The following CAPN5 variants were observed in gnomAD, a reference collection of about 807,000 sequenced individuals.
CAPN5 encodes the protein calpain 5.
CAPN5 carries 54 observed loss-of-function variants against 73.0 expected under a neutral mutation model. The ratio of observed to expected loss-of-function variants is 0.74; its 90% CI spans 0.59 to 0.93. The LOEUF (loss-of-function observed/expected upper bound fraction) is 0.93. CAPN5 is among the 40% of genes least tolerant of loss of function. The pLI is 0.00. For missense variants in CAPN5, 785 were observed against 882.9 expected, an observed-to-expected ratio of 0.89 and a Z score of 1.41; for synonymous variants, 335 against 356.9, an observed-to-expected ratio of 0.94 and a Z score of 0.69.
At chr11:77,092,299 G>T (rs938006750) in intron 2 of CAPN5, among the ~76,000 whole-genome samples, 1 of 152,218 alleles carries the variant, frequency 6.6e-6, no homozygotes, top group Non-Finnish European at 1.5e-5. Context: ...TCAGAAAGCC[G>T]AGGCTCAGAG....
intron 1 of CAPN5, among the ~76,000 whole-genome samples, chr11:77,073,487 C>T (rs2135407343): frequency 6.6e-6 from 1 of 152,284 alleles, no homozygotes; most frequent in Non-Finnish European, 1.5e-5. Context: ...AGGGTCAGGC[C>T]TCTGACTCAG....
Position 77,120,837 on chromosome 11 carries a change from C to A in CAPN5, c.1415C>A (p.Pro472His), listed in dbSNP as rs782634944. Residue 472 changes from proline (P) to histidine (H), a missense_variant, in exon 10 of 13, where the codon CCC (proline) becomes CAC (histidine). Transcript: ENST00000648180. Reference protein sequence around the residue: ...DQPEGRYVIIPTTFEPGHTGE... With the variant: ...DQPEGRYVIIHTTFEPGHTGE... Reference sequence around the variant, plus strand: ...CCCGAGGGCCGCTATGTCATCATCCCCACAACCTTCGAGCCAGGCCACACT... The same window carrying A: ...CCCGAGGGCCGCTATGTCATCATCCACACAACCTTCGAGCCAGGCCACACT... 1 of 1,614,180 alleles carries A rather than the reference C, an allele frequency of 6.2e-7. No individual in the cohort carries two copies. Among genetic ancestry groups the A allele is most frequent in the Non-Finnish European group, 8.5e-7 (1 of 1,180,024 alleles).
In CAPN5 at chr11:77,125,637, T is replaced by TATAC. The variant is rs1950568292; in HGVS notation, c.*1770_*1773dup. 1 of 146,722 alleles carries TATAC rather than the reference T, an allele frequency of 6.8e-6. No homozygotes were observed. Among genetic ancestry groups the TATAC allele is most frequent in the Non-Finnish European group, 1.5e-5 (1 of 67,152 alleles). 9.1% of individuals were successfully genotyped at this position (146,722 alleles called of 1,614,324 possible). ...CACTATATATATATATATATATATA[T>TATAC]ATACATTCATGTAATCACCACTTCT... On this transcript the variant is annotated 3_prime_UTR_variant, in exon 13 of 13. Coordinates refer to ENST00000648180, the MANE Select transcript of CAPN5 (RefSeq NM_004055.5).
In CAPN5 at chr11:77,118,281, C is replaced by G; in HGVS notation, c.1096C>G (p.His366Asp). ...CCGGCTGCATGGCGCCTGGACGCTG[C>G]ATGAGGACCCGCGACAGAACCGCGG... The part of the protein sequence containing the change: ...EARLHGAWTL[H>D]EDPRQNRGGG... Residue 366 changes from histidine (H) to aspartate (D), a missense_variant, in exon 8 of 13, where the codon CAT (histidine) becomes GAT (aspartate). His to Asp is a moderately conservative substitution (Grantham distance 81, BLOSUM62 -1). Coordinates refer to ENST00000648180, the MANE Select transcript of CAPN5 (RefSeq NM_004055.5). The G allele has an allele frequency of 6.2e-7, 1 of 1,613,854 alleles. No homozygotes were observed. The highest frequency in any genetic ancestry group is 8.5e-7 in the Non-Finnish European group (1 of 1,179,930).
At chr11:77,073,132 C>T in intron 1 of CAPN5, 1 of 1,289,100 alleles carries the variant, frequency 7.8e-7, no homozygotes. Flanking sequence ...GACTGGGAGC[C>T]CCGAGGTAGG....
At chr11:77,118,128 T>C (rs1276895148) in intron 7 of CAPN5, 29 bp from the exon 8 acceptor site, 2 of 1,583,264 alleles carry the variant, frequency 1.3e-6, no homozygotes, top group East Asian at 2.3e-5. Context: ...GTGGGGGAGG[T>C]ACCCTGCTCA....
chr11:77,102,010 A>G (rs1555038946), intron 3 of CAPN5, among the ~76,000 whole-genome samples: 2 of 152,218 alleles, frequency 1.3e-5, no homozygotes, highest in Non-Finnish European at 2.9e-5. Flanking sequence ...CCGGGTCAGT[A>G]ATGCTCAAGG....
At chr11:77,115,040 G>T (rs1431056621) in intron 5 of CAPN5, among the ~76,000 whole-genome samples, 1 of 151,562 alleles carries the variant, frequency 6.6e-6, no homozygotes, top group African/African-American at 2.4e-5. Context: ...TCCAGCCTGG[G>T]CAACAAGAGC....
intron 3 of CAPN5, among the ~76,000 whole-genome samples, chr11:77,109,883 C>T (rs1268080908): frequency 6.6e-6 from 1 of 152,184 alleles, no homozygotes; most frequent in Non-Finnish European, 1.5e-5. Flanking sequence ...ACTAATGATC[C>T]TCCCGAGGTC....
chr11:77,120,352 T>G, intron 9 of CAPN5: 1 of 172,056 alleles, frequency 5.8e-6, no homozygotes, highest in Non-Finnish European at 1.2e-5. Context: ...CCAGCCTCCT[T>G]TAATAGTTTT....
In CAPN5 at chr11:77,069,011, T is replaced by C. The variant is rs1591104889; in HGVS notation, c.-36+1917T>C. On this transcript the variant is annotated intron_variant, in intron 1 of 12. Transcript: ENST00000648180. ...TTCTGCGCCTGCTTTCCTGGCAGGC[T>C]GTCAGATCAGCCCTGGAGTCCTGGT... 2.6e-5 allele frequency among the ~76,000 whole-genome samples: 4 copies of C among 152,164 alleles called. No homozygotes were observed. In the South Asian group the frequency reaches 8.3e-4, roughly 31 times the overall value.
rs1027791142 is a variant in CAPN5, at chr11:77,124,499, C to T, written c.*629C>T. The T allele has an allele frequency of 4.6e-5, 7 of 152,926 alleles. No homozygotes were observed. Among genetic ancestry groups the T allele is most frequent in the African/African-American group, 1.7e-4 (7 of 41,482 alleles). 9.5% of individuals were successfully genotyped at this position (152,926 alleles called of 1,614,324 possible). A position where few individuals can be genotyped will look rare whatever the true frequency, so the allele number is the denominator to read the frequency against. On this transcript the variant is annotated 3_prime_UTR_variant, in exon 13 of 13. Transcript: ENST00000648180. ...GTGAAGCGGGGCCCTACTCCGGCCT[C>T]TGCCTTGGGCCTCGCCTCTGTCCTC...
intron 3 of CAPN5, among the ~76,000 whole-genome samples, chr11:77,108,296 G>A (rs1950372632): frequency 6.6e-6 from 1 of 152,186 alleles, no homozygotes; most frequent in Non-Finnish European, 1.5e-5. Context: ...GCCATGCTGG[G>A]GTGCCAGGAA....
chr11:77,079,259 G>A (rs1950004488), intron 1 of CAPN5, among the ~76,000 whole-genome samples: 1 of 152,002 alleles, frequency 6.6e-6, no homozygotes. Context: ...CACCTTGTTT[G>A]CTAGTATTTT....
chr11:77,088,967 G>A (rs782217405), intron 2 of CAPN5, among the ~76,000 whole-genome samples: 38 of 152,134 alleles, frequency 2.5e-4, no homozygotes, highest in Non-Finnish European at 5.4e-4. Context: ...TCAACCCCCA[G>A]CCCTCAGGGG....
At chr11:77,072,841 C>T (rs1486431719) in intron 1 of CAPN5, 2 of 305,522 alleles carry the variant, frequency 6.5e-6, no homozygotes, top group East Asian at 9.7e-5. Flanking sequence ...GTGATAAACC[C>T]GCCAGATTGA....
At chr11:77,115,268 G>A in intron 5 of CAPN5, 127 bp from the exon 6 acceptor site, 1 of 702,304 alleles carries the variant, frequency 1.4e-6, no homozygotes, top group Non-Finnish European at 2.3e-6. Context: ...ACACAGCACT[G>A]CCCCATGACT....
In CAPN5 at chr11:77,123,686, A is replaced by G. The variant is rs782080875; in HGVS notation, c.1741-2A>G. The stretch of plus-strand genomic sequence containing the variant: ...CTCCCATGATCCTCTGTCTCTTCCC[A>G]GGTCTGGAACCACCGAGTGCTGAAG... On this transcript the variant is annotated splice_acceptor_variant, in intron 12 of 12. Coordinates refer to ENST00000648180, the MANE Select transcript of CAPN5 (RefSeq NM_004055.5). LOFTEE classifies it high-confidence loss of function. 1.2e-6 allele frequency: 2 copies of G among 1,611,762 alleles called. No individual in the cohort carries two copies. The highest frequency in any genetic ancestry group is 3.3e-5 in the Admixed American group (2 of 59,836).
intron 12 of CAPN5, among the ~76,000 whole-genome samples, chr11:77,123,125 GCTT>G (rs1342543284): frequency 2.0e-5 from 3 of 152,206 alleles, no homozygotes; most frequent in Non-Finnish European, 2.9e-5. Flanking sequence ...CCTCCCCATG[GCTT>G]CCTTCTCCTC....
Sources: allele counts gnomAD v4.1 joint callset (sites outside exome capture counted in the v4.1 genomes callset), GRCh38; gene constraint gnomAD v4.1.1; transcripts MANE v1.5; gene names NCBI Gene and HGNC (gene_info 2026-07-23, HGNC 2026-07-21).